TEX36: variants seen among roughly 807,000 people sequenced by gnomAD.
TEX36 encodes testis expressed 36.
Under a neutral mutation model 13.6 loss-of-function variants are expected in TEX36, and 12 were observed. The observed-to-expected ratio is 0.88, with a 90% CI of 0.56 to 1.43. The LOEUF (loss-of-function observed/expected upper bound fraction) is 1.43. Among genes scored for constraint, TEX36 ranks in the 40% most tolerant of loss-of-function variants. The pLI, the probability that TEX36 is intolerant of heterozygous loss-of-function variation, is 0.00. For missense variants in TEX36, 224 were observed against 228.3 expected (o/e 0.98, Z 0.12); for synonymous variants, 93 against 83.0 (o/e 1.12, Z -0.65).
rs74820978 is a variant in TEX36, at chr10:125,627,700, A to G, written c.265-6055T>C. On this transcript the variant is annotated intron_variant, in intron 3 of 3. Coordinates refer to the TEX36 transcript ENST00000526819. Reference sequence around the variant, plus strand: ...AACAAATATACAAATAAATAATGCCATCGCATTGTACAACTCCAGGGGACA... The same window carrying G: ...AACAAATATACAAATAAATAATGCCGTCGCATTGTACAACTCCAGGGGACA... Among the ~76,000 whole-genome samples, 1,248 of 152,378 alleles carry G rather than the reference A, an allele frequency of 8.2e-3. 16 individuals carry two copies. The highest frequency in any genetic ancestry group is 0.029 in the African/African-American group (1,202 of 41,590).
intron 1 of TEX36, among the ~76,000 whole-genome samples, chr10:125,671,744 G>T (rs892043019): frequency 1.3e-5 from 2 of 152,178 alleles, no homozygotes; most frequent in Non-Finnish European, 2.9e-5. Flanking sequence ...GAATTCAGCT[G>T]TAAATCCATC....
intron 3 of TEX36, among the ~76,000 whole-genome samples, chr10:125,601,197 A>G (rs1351533233): frequency 6.6e-6 from 1 of 152,250 alleles, no homozygotes; most frequent in Non-Finnish European, 1.5e-5. Flanking sequence ...TATTTATGGT[A>G]TGTTTACAAT....
At chr10:125,579,666 G>A (rs530323142) in intron 3 of TEX36, among the ~76,000 whole-genome samples, 110 of 152,268 alleles carry the variant, frequency 7.2e-4, no homozygotes, top group African/African-American at 2.5e-3. Context: ...GATCATGGGG[G>A]TGGATTTCCT....
chr10:125,576,522 T>A (rs1845826684), exon 4 of TEX36: 1 of 566,026 alleles, frequency 1.8e-6, no homozygotes, highest in African/African-American at 1.9e-5. Flanking sequence ...AGACAGATCA[T>A]TCTTCCTGCC....
At chr10:125,636,436 G>A (rs1246995439) in intron 3 of TEX36, among the ~76,000 whole-genome samples, 1 of 149,118 alleles carries the variant, frequency 6.7e-6, no homozygotes, top group East Asian at 2.0e-4. Context: ...GGATGGTCTC[G>A]ATCTCCTGAC....
intron 3 of TEX36, among the ~76,000 whole-genome samples, chr10:125,624,843 G>A (rs999035071): frequency 6.6e-6 from 1 of 152,078 alleles, no homozygotes; most frequent in Non-Finnish European, 1.5e-5. Flanking sequence ...AGCAAGCACA[G>A]CCACCTAAGA....
chr10:125,576,894 T>C (rs1290290174), intron 3 of TEX36: 2 of 1,535,942 alleles, frequency 1.3e-6, no homozygotes, highest in East Asian at 4.9e-5. Context: ...AGAGGGAAGA[T>C]GTAGAACCAT....
chr10:125,614,150 T>A (rs929735156), intron 3 of TEX36, among the ~76,000 whole-genome samples: 16 of 152,358 alleles, frequency 1.1e-4, no homozygotes, highest in African/African-American at 3.8e-4. Context: ...CTTGTAAATT[T>A]GTTTGAGTTC....
chr10:125,666,971 C>T (rs1847131896), intron 1 of TEX36: 1 of 1,095,936 alleles, frequency 9.1e-7, no homozygotes, highest in African/African-American at 1.6e-5. Context: ...GGCTGTTGGC[C>T]ACGGCTCACT....
chr10:125,663,801 CA>C (rs1293141283), intron 1 of TEX36, among the ~76,000 whole-genome samples: 2 of 152,110 alleles, frequency 1.3e-5, no homozygotes, highest in African/African-American at 2.4e-5. Flanking sequence ...ATAATCACAT[CA>C]GGGGAAATGG....
rs188288486 is a variant in TEX36, at chr10:125,643,236, G to A, written c.264+17785C>T. Among the ~76,000 whole-genome samples, 11 of 152,352 alleles carry A rather than the reference G, an allele frequency of 7.2e-5. No individual in the cohort carries two copies. The East Asian group carries it at 1.7e-3, about 24-fold the overall frequency. On this transcript the variant is annotated intron_variant, in intron 3 of 3. Coordinates refer to the TEX36 transcript ENST00000526819. The stretch of plus-strand genomic sequence containing the variant: ...ACAGGCTGGGAGCCCCTACCCAGAA[G>A]AGGAGCTAGTGGACACACCTGGGGC...
At chr10:125,641,341 G>T (rs552420990) in intron 3 of TEX36, among the ~76,000 whole-genome samples, 2 of 152,342 alleles carry the variant, frequency 1.3e-5, no homozygotes, top group South Asian at 2.1e-4. Context: ...CTAAAAAGAG[G>T]CAGGCATTTA....
intron 1 of TEX36, among the ~76,000 whole-genome samples, chr10:125,669,760 C>T (rs1015556518): frequency 1.3e-5 from 2 of 152,146 alleles, no homozygotes; most frequent in Non-Finnish European, 2.9e-5. Context: ...CCACACCCCC[C>T]GTAACAGGCC....
At chr10:125,657,921 T>C (rs975145801) in intron 3 of TEX36, among the ~76,000 whole-genome samples, 1 of 152,218 alleles carries the variant, frequency 6.6e-6, no homozygotes, top group Non-Finnish European at 1.5e-5. Flanking sequence ...TAAATATTTG[T>C]ACTTGAGGGC....
At chr10:125,628,241 A>G (rs1589761743) in intron 3 of TEX36, among the ~76,000 whole-genome samples, 1 of 152,338 alleles carries the variant, frequency 6.6e-6, no homozygotes, top group Non-Finnish European at 1.5e-5. Context: ...GAGTCACTGC[A>G]TTAGCTGTGC....
At chr10:125,612,108 CAG>C (rs1157412672) in intron 3 of TEX36, among the ~76,000 whole-genome samples, 4 of 139,262 alleles carry the variant, frequency 2.9e-5, no homozygotes, top group Admixed American at 1.5e-4. Flanking sequence ...TTTTTTCAGA[CAG>C]AGTCTTGCTC....
At chr10:125,646,912 T>C (rs917049508) in intron 3 of TEX36, among the ~76,000 whole-genome samples, 1 of 152,148 alleles carries the variant, frequency 6.6e-6, no homozygotes, top group Non-Finnish European at 1.5e-5. Context: ...GTATTTGCAA[T>C]TTATATAAGT....
intron 3 of TEX36, among the ~76,000 whole-genome samples, chr10:125,601,327 C>A (rs1206102060): frequency 6.6e-6 from 1 of 152,214 alleles, no homozygotes; most frequent in Non-Finnish European, 1.5e-5. Flanking sequence ...TGTAACTTGC[C>A]CAAGAGGCAT....
chr10:125,606,462 G>T (rs1846217254), intron 3 of TEX36, among the ~76,000 whole-genome samples: 1 of 152,154 alleles, frequency 6.6e-6, no homozygotes, highest in Admixed American at 6.5e-5. Flanking sequence ...CGTCAAATCA[G>T]TATCAACCTG....
Sources: allele counts gnomAD v4.1 joint callset (sites outside exome capture counted in the v4.1 genomes callset), GRCh38; gene constraint gnomAD v4.1.1; transcripts MANE v1.5; gene names NCBI Gene and HGNC (gene_info 2026-07-23, HGNC 2026-07-21).